Variants in FIGN observed in about 807,000 individuals in gnomAD.
FIGN encodes fidgetin, microtubule severing factor.
FIGN carries 11 observed loss-of-function variants against 51.3 expected under a neutral mutation model. The observed-to-expected ratio is 0.21, with a 90% CI of 0.13 to 0.35. The LOEUF (loss-of-function observed/expected upper bound fraction) is 0.35, where lower values mean the gene tolerates loss of function less well. Ranked by LOEUF, FIGN falls within the 10% of genes least tolerant of loss-of-function variation. The pLI is 1.00. For missense variants in FIGN, 857 were observed against 943.6 expected (o/e 0.91, Z 1.20); for synonymous variants, 407 against 363.2 (o/e 1.12, Z -1.37).
chr2:163,607,599 C>T lies in FIGN; in HGVS notation c.*1953G>A, dbSNP rs1265562456. 3 of 151,442 alleles carry T rather than the reference C, an allele frequency of 2.0e-5. No homozygotes were observed. Among genetic ancestry groups the T allele is most frequent in the Non-Finnish European group, 4.4e-5 (3 of 67,762 alleles). The allele number at this position is 151,442 out of a possible 1,614,324, so 9.4% of individuals were successfully genotyped here. On this transcript the variant is annotated 3_prime_UTR_variant, in exon 3 of 3. Coordinates refer to ENST00000333129, the MANE Select transcript of FIGN (RefSeq NM_018086.4). ...AAAAATTTTTGTAAGAAAAAAAAAA[C>T]AGAAAGGCCTTTCTTGGGGCTTCTC...
chr2:163,630,338 A>T (rs1476219833), intron 2 of FIGN, among the ~76,000 whole-genome samples: 4 of 151,914 alleles, frequency 2.6e-5, no homozygotes, highest in African/African-American at 7.3e-5. Context: ...TGTTTTCTGG[A>T]TCTCCTTTCA....
At chr2:163,614,469 C>A (rs1036762935) in intron 2 of FIGN, among the ~76,000 whole-genome samples, 33 of 152,034 alleles carry the variant, frequency 2.2e-4, no homozygotes, top group African/African-American at 7.7e-4. Context: ...CCTACAAATT[C>A]ATTAGTCCTG....
intron 2 of FIGN, among the ~76,000 whole-genome samples, chr2:163,677,678 C>A (rs761316712): frequency 6.6e-6 from 1 of 152,244 alleles, no homozygotes; most frequent in Non-Finnish European, 1.5e-5. Context: ...AAATTAAATT[C>A]TCTTTTTTTA....
intron 2 of FIGN, among the ~76,000 whole-genome samples, chr2:163,613,145 A>T (rs919716441): frequency 1.3e-5 from 2 of 152,094 alleles, no homozygotes; most frequent in Non-Finnish European, 2.9e-5. Context: ...TCTCACATAC[A>T]GTTAGTTACA....
chr2:163,610,026 G>T lies in FIGN; in HGVS notation c.1806C>A (p.Val602=). ...SSQVNEEHSP[V]SRMRTEFLMQ... ...TCAGAAATTCGGTTCTCATCCGACT[G>T]ACTGGACTATGTTCCTCATTCACTT... The change falls in exon 3 of 3, where the codon GTC becomes GTA. Residue 602 remains valine (V), a synonymous_variant. Coordinates refer to ENST00000333129, the MANE Select transcript of FIGN (RefSeq NM_018086.4). 1.9e-6 allele frequency: 3 copies of T among 1,614,118 alleles called. No individual in the cohort carries two copies. The highest frequency in any genetic ancestry group is 2.5e-6 in the Non-Finnish European group (3 of 1,180,010).
At chr2:163,643,932 C>CA (rs1162234909) in intron 2 of FIGN, among the ~76,000 whole-genome samples, 218 of 19,072 alleles carry the variant, frequency 0.011, 31 homozygotes, top group African/African-American at 0.039. Flanking sequence ...AACTCTGTCT[C>CA]AAAAAAAAAA....
In FIGN at chr2:163,609,807, G is replaced by C; in HGVS notation, c.2025C>G (p.Asp675Glu). 1 of 1,614,118 alleles carries C rather than the reference G, an allele frequency of 6.2e-7. No individual in the cohort carries two copies. Among genetic ancestry groups the C allele is most frequent in the Admixed American group, 1.7e-5 (1 of 60,014 alleles). Residue 675 changes from aspartate to glutamate, a missense_variant, in exon 3 of 3, where the codon GAC becomes GAG. Around this residue, in one of 3 missense-constraint regions of FIGN, gnomAD observed 799 missense variants for 849.5 expected, o/e 0.94. Coordinates refer to ENST00000333129, the MANE Select transcript of FIGN (RefSeq NM_018086.4). ...LLSQHNYCLN[D>E]KEFALLVQRT... The stretch of plus-strand genomic sequence containing the variant: ...GCTGGACGAGCAGTGCAAACTCCTT[G>C]TCATTGAGACAGTAATTGTGCTGTG...
At chr2:163,668,327 G>C (rs1372967131) in intron 2 of FIGN, among the ~76,000 whole-genome samples, 1 of 152,146 alleles carries the variant, frequency 6.6e-6, no homozygotes. Context: ...AGAAGAACCA[G>C]TAAAGGATAC....
chr2:163,733,466 G>T (rs1316191385), intron 2 of FIGN, among the ~76,000 whole-genome samples: 3 of 152,146 alleles, frequency 2.0e-5, no homozygotes. Flanking sequence ...ATCACAGGCA[G>T]CAGCCCAATC....
At chr2:163,715,225 G>A (rs531549902) in intron 2 of FIGN, among the ~76,000 whole-genome samples, 18 of 152,236 alleles carry the variant, frequency 1.2e-4, no homozygotes, top group Admixed American at 7.2e-4. Context: ...TGTACAACTC[G>A]GCTCACACAA....
At chr2:163,697,702 C>A (rs1381264588) in intron 2 of FIGN, among the ~76,000 whole-genome samples, 1 of 152,158 alleles carries the variant, frequency 6.6e-6, no homozygotes. Flanking sequence ...TTCCACAACA[C>A]ACCAGTTGGT....
chr2:163,719,990 C>A (rs1389983881), intron 2 of FIGN, among the ~76,000 whole-genome samples: 1 of 151,908 alleles, frequency 6.6e-6, no homozygotes, highest in Non-Finnish European at 1.5e-5. Flanking sequence ...TTTTTTAAAC[C>A]TCTAAGTAGC....
chr2:163,711,239 T>A (rs1684583910), intron 2 of FIGN, among the ~76,000 whole-genome samples: 1 of 152,248 alleles, frequency 6.6e-6, no homozygotes, highest in Non-Finnish European at 1.5e-5. Context: ...AAGTACAAAA[T>A]CAATACCATT....
At chr2:163,676,481 A>ATG (rs1232036638) in intron 2 of FIGN, among the ~76,000 whole-genome samples, 8 of 68,198 alleles carry the variant, frequency 1.2e-4, no homozygotes, top group Non-Finnish European at 1.8e-4. Context: ...ATATATATAT[A>ATG]TAACTAGAGT....
intron 2 of FIGN, among the ~76,000 whole-genome samples, chr2:163,662,276 A>G (rs1398407002): frequency 6.6e-6 from 1 of 152,144 alleles, no homozygotes; most frequent in Non-Finnish European, 1.5e-5. Flanking sequence ...GATCTGTGGA[A>G]TTTTGAACTT....
intron 2 of FIGN, among the ~76,000 whole-genome samples, chr2:163,623,184 T>C (rs1000111852): frequency 6.6e-6 from 1 of 151,908 alleles, no homozygotes; most frequent in South Asian, 2.1e-4. Context: ...AAAAACTGTT[T>C]TTATCCTAAA....
intron 2 of FIGN, among the ~76,000 whole-genome samples, chr2:163,614,414 A>G (rs1430006209): frequency 6.6e-6 from 1 of 152,190 alleles, no homozygotes; most frequent in African/African-American, 2.4e-5. Flanking sequence ...CCTTATAAAA[A>G]GGAGAGAATA....
At chr2:163,622,776 G>A (rs547957148) in intron 2 of FIGN, among the ~76,000 whole-genome samples, 26 of 152,166 alleles carry the variant, frequency 1.7e-4, no homozygotes, top group Admixed American at 1.4e-3. Flanking sequence ...TGTTGCCCAG[G>A]CTGGTCTCAA....
chr2:163,697,740 C>T (rs1330240016), intron 2 of FIGN, among the ~76,000 whole-genome samples: 5 of 152,126 alleles, frequency 3.3e-5, no homozygotes. Flanking sequence ...GTAATTTTCT[C>T]TGAGCCTGGT....
Sources: allele counts gnomAD v4.1 joint callset (sites outside exome capture counted in the v4.1 genomes callset), GRCh38; gene constraint gnomAD v4.1.1; regional missense constraint gnomAD v4.1.1; transcripts MANE v1.5; gene names NCBI Gene and HGNC (gene_info 2026-07-23, HGNC 2026-07-21).